Variants in ITGB6 observed in about 807,000 individuals in gnomAD.
The protein encoded by ITGB6 is integrin subunit beta 6, also known as integrin beta-6.
Under a neutral mutation model 84.5 loss-of-function variants are expected in ITGB6, and 80 were observed. The observed-to-expected ratio is 0.95, with a 90% confidence interval of 0.79 to 1.14. ITGB6 has a LOEUF of 1.14. ITGB6 is among the 50% of genes most tolerant of loss of function. The pLI, the probability that ITGB6 is intolerant of heterozygous loss-of-function variation, is 0.00. For missense variants in ITGB6, 1,006 were observed against 968.0 expected (o/e 1.04, Z -0.52); for synonymous variants, 383 against 354.9 (o/e 1.08, Z -0.89).
chr2:160,138,056 G>T lies in ITGB6; in HGVS notation c.1242+9C>A. 3.7e-6 allele frequency: 6 copies of T among 1,609,526 alleles called. No individual in the cohort carries two copies. Among genetic ancestry groups the T allele is most frequent in the Non-Finnish European group, 5.1e-6 (6 of 1,178,198 alleles). ...ATTTATTCAGACTATCTACTGGCCA[G>T]CTACTTACTGTGTCTCCCACTTTCA... On this transcript the variant is annotated intron_variant, in intron 9 of 14. Transcript: ENST00000283249.
At chr2:160,117,478 AACAACAT>A (rs1559099615) in intron 12 of ITGB6, among the ~76,000 whole-genome samples, 1 of 152,162 alleles carries the variant, frequency 6.6e-6, no homozygotes, top group Non-Finnish European at 1.5e-5. Flanking sequence ...AGAACAAAGA[AACAACAT>A]ACCAGAATCT....
intron 4 of ITGB6, among the ~76,000 whole-genome samples, chr2:160,185,537 G>A (rs888966422): frequency 2.6e-5 from 4 of 152,186 alleles, no homozygotes; most frequent in African/African-American, 9.7e-5. Context: ...TGTGAAAATA[G>A]CCATACTGCC....
intron 10 of ITGB6, among the ~76,000 whole-genome samples, chr2:160,129,364 G>A (rs143388415): frequency 1.2e-3 from 170 of 136,236 alleles, no homozygotes; most frequent in African/African-American, 4.6e-3. Flanking sequence ...ACATTTATTT[G>A]CAAACTCTCG....
intron 7 of ITGB6, among the ~76,000 whole-genome samples, chr2:160,153,621 T>C (rs929918371): frequency 1.2e-4 from 18 of 151,942 alleles, no homozygotes; most frequent in African/African-American, 1.2e-4. Context: ...TTCTGCACAG[T>C]AAAAGAAACT....
At chr2:160,132,728 G>T (rs1342089535) in intron 10 of ITGB6, among the ~76,000 whole-genome samples, 1 of 151,888 alleles carries the variant, frequency 6.6e-6, no homozygotes, top group Non-Finnish European at 1.5e-5. Flanking sequence ...ATATATGTGT[G>T]CATATATATA....
At chr2:160,159,730 C>T (rs1179480759) in intron 7 of ITGB6, among the ~76,000 whole-genome samples, 1 of 152,194 alleles carries the variant, frequency 6.6e-6, no homozygotes, top group Non-Finnish European at 1.5e-5. Context: ...GCCTTCAGCT[C>T]GCTTCCTCAT....
chr2:160,185,940 C>T (rs1375213075), intron 4 of ITGB6, among the ~76,000 whole-genome samples: 1 of 152,056 alleles, frequency 6.6e-6, no homozygotes, highest in Non-Finnish European at 1.5e-5. Flanking sequence ...TGAACTGGAC[C>T]CCTTCCTTAC....
intron 14 of ITGB6, among the ~76,000 whole-genome samples, chr2:160,103,253 C>T (rs973807204): frequency 2.0e-5 from 3 of 152,106 alleles, no homozygotes; most frequent in Non-Finnish European, 2.9e-5. Flanking sequence ...TGAATAAAAT[C>T]GGAAACACTC....
Position 160,159,157 on chromosome 2 carries a change from A to G in ITGB6, c.1017+10055T>C, listed in dbSNP as rs1343242722. Among the ~76,000 whole-genome samples, 3 of 152,094 alleles carry G rather than the reference A, an allele frequency of 2.0e-5. No homozygotes were observed. In the East Asian group the frequency reaches 5.8e-4, roughly 29 times the overall value. ...CCCCAGCCCAGACCTCTTGAATGAC[A>G]GTCTGCATTTTAAGAGGTCCCTGTC... On this transcript the variant is annotated intron_variant, in intron 7 of 14. Transcript: ENST00000283249.
At chr2:160,129,541 A>G (rs1198218899) in intron 10 of ITGB6, among the ~76,000 whole-genome samples, 1 of 152,218 alleles carries the variant, frequency 6.6e-6, no homozygotes, top group Non-Finnish European at 1.5e-5. Context: ...AGTGTTAGTT[A>G]CTGCCATTAT....
At chr2:160,150,675 G>T (rs974979035) in intron 7 of ITGB6, among the ~76,000 whole-genome samples, 1 of 152,102 alleles carries the variant, frequency 6.6e-6, no homozygotes, top group Non-Finnish European at 1.5e-5. Flanking sequence ...ATTGGATAAG[G>T]AGTCAAGACC....
intron 7 of ITGB6, among the ~76,000 whole-genome samples, chr2:160,145,729 G>T (rs1403911621): frequency 1.3e-5 from 2 of 152,098 alleles, no homozygotes; most frequent in Non-Finnish European, 2.9e-5. Flanking sequence ...TCACACAACT[G>T]CTGCCTGGTT....
At chr2:160,143,633 G>C (rs986429905) in intron 7 of ITGB6, among the ~76,000 whole-genome samples, 1 of 152,206 alleles carries the variant, frequency 6.6e-6, no homozygotes. Context: ...GTAGAAAAGA[G>C]TAAGTAAGCT....
At chr2:160,197,821 T>C (rs953587488) in intron 2 of ITGB6, among the ~76,000 whole-genome samples, 3 of 152,224 alleles carry the variant, frequency 2.0e-5, no homozygotes, top group Admixed American at 1.3e-4. Flanking sequence ...TGCCAGAAGA[T>C]CAGAGGTGGT....
chr2:160,196,961 A>T (rs72994799), intron 2 of ITGB6, among the ~76,000 whole-genome samples: 4 of 151,998 alleles, frequency 2.6e-5, no homozygotes, highest in Non-Finnish European at 4.4e-5. Flanking sequence ...GGATTGCAAC[A>T]TCTCCCCCAT....
intron 10 of ITGB6, among the ~76,000 whole-genome samples, chr2:160,134,217 C>G (rs28867432): frequency 6.6e-6 from 1 of 151,896 alleles, no homozygotes; most frequent in Non-Finnish European, 1.5e-5. Context: ...AAATGATAAA[C>G]GGGATATCAC....
At chr2:160,117,190 C>A (rs1682820369) in intron 12 of ITGB6, among the ~76,000 whole-genome samples, 1 of 152,114 alleles carries the variant, frequency 6.6e-6, no homozygotes, top group African/African-American at 2.4e-5. Flanking sequence ...GAACTCTCCA[C>A]CCCAAATCAA....
intron 7 of ITGB6, among the ~76,000 whole-genome samples, chr2:160,142,371 A>G (rs552772896): frequency 6.6e-6 from 1 of 152,302 alleles, no homozygotes; most frequent in East Asian, 1.9e-4. Flanking sequence ...AGTAGCATTT[A>G]TATAACATCT....
intron 11 of ITGB6, among the ~76,000 whole-genome samples, chr2:160,126,158 C>T (rs1248094637): frequency 6.6e-6 from 1 of 152,104 alleles, no homozygotes; most frequent in Non-Finnish European, 1.5e-5. Flanking sequence ...AGAAACGTGA[C>T]ATTGTGATTC....
Sources: gnomAD v4.1 joint callset for allele counts (sites outside exome capture counted in the v4.1 genomes callset) on GRCh38, gnomAD v4.1.1 for gene constraint, MANE v1.5 for transcripts, NCBI Gene and HGNC (gene_info 2026-07-23, HGNC 2026-07-21) for gene names.